AGAP1: variants seen among roughly 807,000 people sequenced by gnomAD.
The protein encoded by AGAP1 is ArfGAP with GTPase domain, ankyrin repeat and PH domain 1, also known as arf-GAP with GTPase, ANK repeat and PH domain-containing protein 1.
Under a neutral mutation model 105.3 loss-of-function variants are expected in AGAP1, and 29 were observed. The ratio of observed to expected loss-of-function variants is 0.28; its 90% confidence interval spans 0.21 to 0.38. The LOEUF (loss-of-function observed/expected upper bound fraction) is 0.38, where lower values mean the gene tolerates loss of function less well. AGAP1 is among the 10% of genes least tolerant of loss of function. The pLI is 1.00. For synonymous variants in AGAP1, 509 were observed against 485.9 expected (o/e 1.05, Z -0.63); for missense variants, 998 against 1,165.1 (o/e 0.86, Z 2.09).
chr2:235,522,960 G>T (rs1477652535), intron 1 of AGAP1, among the ~76,000 whole-genome samples: 1 of 152,140 alleles, frequency 6.6e-6, no homozygotes, highest in African/African-American at 2.4e-5. Flanking sequence ...TCTTAGCTGG[G>T]GCTACTGTAG....
chr2:236,117,701 G>A (rs560316409), intron 16 of AGAP1, among the ~76,000 whole-genome samples: 34 of 152,286 alleles, frequency 2.2e-4, no homozygotes, highest in African/African-American at 5.1e-4. Context: ...ATCCTTCACC[G>A]TCATCCCTTT....
Position 235,750,835 on chromosome 2 carries a change from C to T in AGAP1, c.673+347C>T, listed in dbSNP as rs1178039442. 6.6e-6 allele frequency among the ~76,000 whole-genome samples: 1 copy of T among 152,000 alleles called. No individual in the cohort carries two copies. Among genetic ancestry groups the T allele is most frequent in the African/African-American group, 2.4e-5 (1 of 41,362 alleles). ...GTGAGCATTTCTTTATTGTAATTGC[C>T]CATTCTTAATCCAGTCCCGTCCTTT... On this transcript the variant is annotated intron_variant, in intron 6 of 17. Transcript: ENST00000304032. This position sits in a 1 kb window ranked among gnomAD's most constrained non-coding sequence, Gnocchi z 5.3.
chr2:235,755,835 G>A (rs1256408294), intron 6 of AGAP1, among the ~76,000 whole-genome samples: 2 of 152,232 alleles, frequency 1.3e-5, no homozygotes, highest in Non-Finnish European at 2.9e-5. Flanking sequence ...GACAGAGTGT[G>A]TGTCTGACAT....
intron 10 of AGAP1, among the ~76,000 whole-genome samples, chr2:235,894,865 C>A (rs1295623699): frequency 6.6e-6 from 1 of 152,224 alleles, no homozygotes; most frequent in Admixed American, 6.5e-5. Context: ...CTGCCGTTGC[C>A]CCACCCGCTT....
rs953817393 is a variant in AGAP1, at chr2:235,639,642, T to C, written c.164-69537T>C. On this transcript the variant is annotated intron_variant, in intron 1 of 17. Coordinates refer to ENST00000304032, the MANE Select transcript of AGAP1 (RefSeq NM_001037131.3). The surrounding 1 kb of genome is among the most constrained non-coding windows in gnomAD (Gnocchi z 5.3). Reference sequence around the variant, plus strand: ...CTGTGTTTCTGGTGCCCAAATGTTCTGGGCACACTGTTGTTTGGGGAAGAA... The same window carrying C: ...CTGTGTTTCTGGTGCCCAAATGTTCCGGGCACACTGTTGTTTGGGGAAGAA... Among the ~76,000 whole-genome samples, 3 of 152,172 alleles carry C rather than the reference T, an allele frequency of 2.0e-5. No individual in the cohort carries two copies. The highest frequency in any genetic ancestry group is 2.9e-5 in the Non-Finnish European group (2 of 68,038).
chr2:235,828,632 T>C (rs1199792301), intron 9 of AGAP1, among the ~76,000 whole-genome samples: 2 of 152,180 alleles, frequency 1.3e-5, no homozygotes, highest in African/African-American at 4.8e-5. Flanking sequence ...GGGTAGAATT[T>C]AGGCTCAAGC....
chr2:235,897,292 G>T (rs1042747114), intron 10 of AGAP1, among the ~76,000 whole-genome samples: 1 of 152,072 alleles, frequency 6.6e-6, no homozygotes, highest in Non-Finnish European at 1.5e-5. Context: ...CGCCCACCTC[G>T]GCCTCCCAAC....
intron 16 of AGAP1, among the ~76,000 whole-genome samples, chr2:236,091,439 G>A (rs1486877726): frequency 6.6e-6 from 1 of 152,158 alleles, no homozygotes; most frequent in African/African-American, 2.4e-5. Flanking sequence ...CCTTCCTTAT[G>A]ACCCAGCAGG....
rs1951134586 is a variant in AGAP1, at chr2:235,716,866, C to T, written c.223-691C>T. On this transcript the variant is annotated intron_variant, in intron 2 of 17. Transcript: ENST00000304032. The surrounding 1 kb of genome is among the most constrained non-coding windows in gnomAD (Gnocchi z 4.0). ...CGCCAGGTTACTGCTAGGACAGAGG[C>T]CCTCATGTCACCCTCCCTCCTGAGG... is the stretch of plus-strand genomic sequence containing the variant. Among the ~76,000 whole-genome samples the T allele has an allele frequency of 6.6e-6, 1 of 152,036 alleles. No homozygotes were observed. The highest frequency in any genetic ancestry group is 1.5e-5 in the Non-Finnish European group (1 of 68,002).
chr2:235,947,190 A>G (rs149682287), intron 12 of AGAP1, among the ~76,000 whole-genome samples: 13,491 of 152,102 alleles, frequency 0.089, 806 homozygotes, highest in Non-Finnish European at 0.13. Flanking sequence ...AGCAGTGTAC[A>G]CTGTACCCAA....
chr2:235,681,009 C>G (rs897184994), intron 1 of AGAP1, among the ~76,000 whole-genome samples: 1 of 151,984 alleles, frequency 6.6e-6, no homozygotes, highest in African/African-American at 2.4e-5. Flanking sequence ...TTCTAGCCCC[C>G]CCTCCCCCTT....
rs1042494861 is a variant in AGAP1, at chr2:235,535,885, A to G, written c.163+41036A>G. Among the ~76,000 whole-genome samples, 8 of 151,842 alleles carry G rather than the reference A, an allele frequency of 5.3e-5. No individual in the cohort carries two copies. Among genetic ancestry groups the G allele is most frequent in the African/African-American group, 1.9e-4 (8 of 41,308 alleles). ...CACGCGCAGGTAGCCTGGCCTTTGA[A>G]GCTCTCCAGGCTCTGGCCACAGTGG... On this transcript the variant is annotated intron_variant, in intron 1 of 17. Transcript: ENST00000304032. The surrounding 1 kb of genome is among the most constrained non-coding windows in gnomAD (Gnocchi z 5.1).
chr2:235,833,038 A>G (rs537352874), intron 9 of AGAP1, among the ~76,000 whole-genome samples: 8 of 152,208 alleles, frequency 5.3e-5, no homozygotes, highest in Non-Finnish European at 7.3e-5. Context: ...CATCATCACA[A>G]GGAAACAAGA....
rs1945541731 is a variant in AGAP1 at position 235,596,862 on chromosome 2, GA to G, written c.163+102014del. Among the ~76,000 whole-genome samples the G allele has an allele frequency of 3.3e-5, 5 of 152,206 alleles. No individual in the cohort carries two copies. The highest frequency in any genetic ancestry group is 2.0e-4 in the Admixed American group (3 of 15,288). ...TGGGAGGTATCAGGTCATGGGAGTG[GA>G]CCCCTTGTGGTGGCACGAATGCCCC... On this transcript the variant is annotated intron_variant, in intron 1 of 17. Coordinates refer to ENST00000304032, the MANE Select transcript of AGAP1 (RefSeq NM_001037131.3). The surrounding 1 kb of genome is among the most constrained non-coding windows in gnomAD (Gnocchi z 5.9).
chr2:235,859,788 C>T (rs949107577), intron 9 of AGAP1, among the ~76,000 whole-genome samples: 1 of 152,224 alleles, frequency 6.6e-6, no homozygotes, highest in Non-Finnish European at 1.5e-5. Flanking sequence ...CTTCACAGCA[C>T]TGTGTACAGT....
At chr2:235,636,721 C>T (rs1195351229) in intron 1 of AGAP1, among the ~76,000 whole-genome samples, 3 of 152,144 alleles carry the variant, frequency 2.0e-5, no homozygotes, top group East Asian at 1.9e-4. Flanking sequence ...GAAGTCCTAA[C>T]GCCCGGTGCC....
chr2:235,685,623 T>C (rs1949339045), intron 1 of AGAP1, among the ~76,000 whole-genome samples: 2 of 152,018 alleles, frequency 1.3e-5, no homozygotes, highest in African/African-American at 4.8e-5. Context: ...TGGGTGGTTT[T>C]GTTTTCAAAA....
chr2:235,527,142 A>G (rs962245716), intron 1 of AGAP1, among the ~76,000 whole-genome samples: 1 of 152,156 alleles, frequency 6.6e-6, no homozygotes, highest in Non-Finnish European at 1.5e-5. Context: ...ATATTGGAAA[A>G]TCCCCTGGAG....
intron 6 of AGAP1, among the ~76,000 whole-genome samples, chr2:235,760,870 G>A (rs543810105): frequency 5.3e-5 from 8 of 152,276 alleles, no homozygotes; most frequent in African/African-American, 1.9e-4. Flanking sequence ...GATTATAGGC[G>A]TTAGCCACCA....
Sources: allele counts gnomAD v4.1 joint callset (sites outside exome capture counted in the v4.1 genomes callset), GRCh38; gene constraint gnomAD v4.1.1; non-coding constraint Gnocchi (gnomAD v3.1); transcripts MANE v1.5; gene names NCBI Gene and HGNC (gene_info 2026-07-23, HGNC 2026-07-21).